The following ITSN2 variants were observed in gnomAD, a reference collection of about 807,000 sequenced individuals.
ITSN2 encodes the protein intersectin-2.
In ITSN2, 156 loss-of-function variants were observed where a neutral mutation model predicts 243.7. The observed-to-expected ratio is 0.64, with a 90% CI of 0.56 to 0.73. The LOEUF (loss-of-function observed/expected upper bound fraction) is 0.73, where lower values mean the gene tolerates loss of function less well. Among genes scored for constraint, ITSN2 ranks in the 30% least tolerant of loss-of-function variants. The probability of loss-of-function intolerance (pLI) is 0.00; values close to 1 mark genes in which losing one functional copy is unlikely to be tolerated. For synonymous variants in ITSN2, 703 were observed against 699.9 expected, an observed-to-expected ratio of 1.00 and a Z score of -0.07; for missense variants, 1,801 against 1,996.1, an observed-to-expected ratio of 0.90 and a Z score of 1.86.
intron 32 of ITSN2, among the ~76,000 whole-genome samples, chr2:24,213,713 A>G (rs1392113886): frequency 2.0e-5 from 3 of 152,172 alleles, no homozygotes; most frequent in Non-Finnish European, 4.4e-5. Context: ...TCCTATTTAC[A>G]TCATTATTTT....
chr2:24,336,352 C>T (rs1686379693), intron 1 of ITSN2, among the ~76,000 whole-genome samples: 1 of 151,948 alleles, frequency 6.6e-6, no homozygotes, highest in African/African-American at 2.4e-5. Context: ...GGCTTGAGAC[C>T]CTTCCACACA....
intron 17 of ITSN2, among the ~76,000 whole-genome samples, chr2:24,277,658 T>C (rs1678185982): frequency 6.6e-6 from 1 of 152,230 alleles, no homozygotes; most frequent in Non-Finnish European, 1.5e-5. Context: ...TCAGGCTCTG[T>C]ATACTAGCTG....
intron 20 of ITSN2, among the ~76,000 whole-genome samples, chr2:24,269,541 C>A (rs986333056): frequency 2.0e-5 from 3 of 152,150 alleles, no homozygotes; most frequent in African/African-American, 7.2e-5. Context: ...GTCACTGCCA[C>A]CAGAATGGCT....
intron 20 of ITSN2, among the ~76,000 whole-genome samples, 163 bp from the exon 21 acceptor site, chr2:24,261,905 T>G (rs759536358): frequency 6.6e-6 from 1 of 152,238 alleles, no homozygotes; most frequent in Non-Finnish European, 1.5e-5. Context: ...TTCCAGTGAC[T>G]GGCAAGTTGT....
At chr2:24,287,056 G>GA (rs1356409548) in intron 15 of ITSN2, among the ~76,000 whole-genome samples, 1 of 152,058 alleles carries the variant, frequency 6.6e-6, no homozygotes, top group East Asian at 1.9e-4. Context: ...GAAACATACA[G>GA]AGTAAAAAAT....
At chr2:24,207,555 C>T (rs750366298) in intron 37 of ITSN2, among the ~76,000 whole-genome samples, 20 of 151,716 alleles carry the variant, frequency 1.3e-4, no homozygotes, top group Non-Finnish European at 2.1e-4. Context: ...CGAGGGAGAG[C>T]GCTACAGAGG....
At chr2:24,305,516 G>C (rs1195902183) in intron 8 of ITSN2, among the ~76,000 whole-genome samples, 1 of 146,648 alleles carries the variant, frequency 6.8e-6, no homozygotes, top group Non-Finnish European at 1.5e-5. Flanking sequence ...GGCAGAGGCT[G>C]CAGTGGGCCA....
intron 1 of ITSN2, among the ~76,000 whole-genome samples, chr2:24,358,830 T>C (rs531636990): frequency 9.0e-4 from 137 of 152,320 alleles, no homozygotes; most frequent in African/African-American, 3.2e-3. Flanking sequence ...AGCCTTGAGA[T>C]GTACCGAACA....
intron 15 of ITSN2, among the ~76,000 whole-genome samples, chr2:24,291,984 C>G (rs1459472579): frequency 6.6e-6 from 1 of 152,150 alleles, no homozygotes; most frequent in African/African-American, 2.4e-5. Flanking sequence ...TACTTAATCT[C>G]TCTGAACCTC....
rs1280523165 is a variant in ITSN2, at chr2:24,341,994, G to A, written c.-33-13879C>T. Among the ~76,000 whole-genome samples the A allele has an allele frequency of 2.6e-5, 4 of 152,274 alleles. No homozygotes were observed. The East Asian group carries it at 7.7e-4, about 29-fold the overall frequency. On this transcript the variant is annotated intron_variant, in intron 1 of 39. Transcript: ENST00000355123. ...TTTAATTTACAAAAAGGAGATGGGA[G>A]AGAAGTTACCTAATGGAAGTTAGGG...
At chr2:24,342,720 C>T (rs985847949) in intron 1 of ITSN2, among the ~76,000 whole-genome samples, 4 of 151,820 alleles carry the variant, frequency 2.6e-5, no homozygotes, top group African/African-American at 9.7e-5. Context: ...GGAAAACATT[C>T]TAGGCAGAGG....
chr2:24,329,272 T>C (rs891914116), intron 1 of ITSN2, among the ~76,000 whole-genome samples: 3 of 152,132 alleles, frequency 2.0e-5, no homozygotes, highest in Admixed American at 1.3e-4. Context: ...GTTTGTTTTG[T>C]TTTCTTGAGA....
rs1668515376 is a variant in ITSN2 at position 24,203,372 on chromosome 2, G to C, written c.*254C>G. On this transcript the variant is annotated 3_prime_UTR_variant, in exon 40 of 40. Transcript: ENST00000355123. ...TTATAGCCCTGAAAATGGAAACCTT[G>C]GCATCTAAACAAACAGAGCTGAACA... 1 of 358,864 alleles carries C rather than the reference G, an allele frequency of 2.8e-6. No individual in the cohort carries two copies. Among genetic ancestry groups the C allele is most frequent in the Non-Finnish European group, 5.0e-6 (1 of 198,830 alleles). The allele number at this position is 358,864 out of a possible 1,614,324, so 22.2% of individuals were successfully genotyped here.
chr2:24,309,152 A>G (rs554026818), intron 7 of ITSN2, among the ~76,000 whole-genome samples: 1 of 152,248 alleles, frequency 6.6e-6, no homozygotes, highest in African/African-American at 2.4e-5. Context: ...GGTACCAAAA[A>G]GGTTGAGGAT....
chr2:24,246,833 G>T lies in ITSN2; in HGVS notation c.3349C>A (p.Pro1117Thr). 4 of 1,613,004 alleles carry T rather than the reference G, an allele frequency of 2.5e-6. No homozygotes were observed. Among genetic ancestry groups the T allele is most frequent in the Non-Finnish European group, 3.4e-6 (4 of 1,179,288 alleles). ...GCAGGTGTGGCTCTTTCACTACTTGGACCCAAAAGTTTAACATGACTGGCA... is the reference window on the plus strand; with the variant it reads ...GCAGGTGTGGCTCTTTCACTACTTGTACCCAAAAGTTTAACATGACTGGCA... Reference protein sequence around the residue: ...FPASHVKLLGPSSERATPAFH... With the variant: ...FPASHVKLLGTSSERATPAFH... Residue 1117 changes from proline (P) to threonine (T), a missense_variant, in exon 28 of 40, where the codon CCA becomes ACA. Transcript: ENST00000355123.
chr2:24,309,793 T>C (rs1254990252), intron 7 of ITSN2, among the ~76,000 whole-genome samples: 3 of 152,138 alleles, frequency 2.0e-5, no homozygotes, highest in Non-Finnish European at 2.9e-5. Flanking sequence ...GATATGAATG[T>C]TGTTCTTCTG....
intron 1 of ITSN2, among the ~76,000 whole-genome samples, chr2:24,351,407 C>A (rs539709426): frequency 6.6e-6 from 1 of 152,332 alleles, no homozygotes; most frequent in South Asian, 2.1e-4. Context: ...ATTCTTTCAA[C>A]TGCACAGAAG....
At chr2:24,338,637 GCATT>G (rs1686718351) in intron 1 of ITSN2, among the ~76,000 whole-genome samples, 2 of 152,132 alleles carry the variant, frequency 1.3e-5, no homozygotes, top group South Asian at 2.1e-4. Context: ...CTCCACCTAT[GCATT>G]CATTCATTCT....
chr2:24,240,150 A>G (rs1418267640), intron 29 of ITSN2: 2 of 152,162 alleles, frequency 1.3e-5, no homozygotes, highest in Non-Finnish European at 2.9e-5. Flanking sequence ...AATGTGGCTG[A>G]TTAACAGTGG....
Sources: allele counts gnomAD v4.1 joint callset (sites outside exome capture counted in the v4.1 genomes callset), GRCh38; gene constraint gnomAD v4.1.1; transcripts MANE v1.5; gene names NCBI Gene and HGNC (gene_info 2026-07-23, HGNC 2026-07-21).